Variants in MBOAT1 observed in about 807,000 individuals in gnomAD.
MBOAT1 encodes the protein membrane-bound glycerophospholipid O-acyltransferase 1.
MBOAT1 carries 67 observed loss-of-function variants against 64.4 expected under a neutral mutation model. That is an observed-to-expected ratio of 1.04 (90% CI 0.85 to 1.27). The LOEUF is 1.27. MBOAT1 is among the 50% of genes most tolerant of loss of function. MBOAT1 has a pLI of 0.00. For synonymous variants in MBOAT1, 229 were observed against 218.9 expected (o/e 1.05, Z -0.41); for missense variants, 563 against 604.6 (o/e 0.93, Z 0.72).
chr6:20,118,710 T>TA (rs35868785), intron 8 of MBOAT1, among the ~76,000 whole-genome samples, 170 bp from the exon 9 acceptor site: 51,497 of 152,110 alleles, frequency 0.34, 10,133 homozygotes, highest in Non-Finnish European at 0.44. Flanking sequence ...CAGAAAAACA[T>TA]ATTCGGCTGT....
chr6:20,100,949 G>C lies in MBOAT1; in HGVS notation c.*1337C>G, dbSNP rs1052120570. On this transcript the variant is annotated 3_prime_UTR_variant, in exon 13 of 13. Transcript: ENST00000324607. ...GCACATTCATAACAAAGATAGAAAAGAAAACTTTCAATGTCTGCTTTCCAA... is the reference window on the plus strand; with the variant it reads ...GCACATTCATAACAAAGATAGAAAACAAAACTTTCAATGTCTGCTTTCCAA... Among the ~76,000 whole-genome samples the C allele has an allele frequency of 1.1e-4, 16 of 152,128 alleles. No homozygotes were observed. The highest frequency in any genetic ancestry group is 3.4e-3 in the Middle Eastern group (1 of 294).
At chr6:20,104,822 G>A (rs923360648) in intron 12 of MBOAT1, among the ~76,000 whole-genome samples, 1 of 152,202 alleles carries the variant, frequency 6.6e-6, no homozygotes, top group African/African-American at 2.4e-5. Flanking sequence ...AGCTCGAACA[G>A]AAGCAAACAT....
At chr6:20,199,776 T>G (rs1229994292) in intron 1 of MBOAT1, among the ~76,000 whole-genome samples, 1 of 152,182 alleles carries the variant, frequency 6.6e-6, no homozygotes, top group East Asian at 1.9e-4. Context: ...GAGACCAGCC[T>G]GGCCAACATG....
At chr6:20,188,554 C>T (rs1429987977) in intron 1 of MBOAT1, among the ~76,000 whole-genome samples, 1 of 152,096 alleles carries the variant, frequency 6.6e-6, no homozygotes, top group Non-Finnish European at 1.5e-5. Context: ...AAGCTCTCTG[C>T]CGCAGAGAGA....
chr6:20,112,740 G>T, intron 11 of MBOAT1, 136 bp downstream of exon 11: 1 of 910,890 alleles, frequency 1.1e-6, no homozygotes, highest in Non-Finnish European at 1.7e-6. Flanking sequence ...GAAGACTCTT[G>T]CATATTGTTT....
chr6:20,138,180 A>G (rs1465532859), intron 4 of MBOAT1, among the ~76,000 whole-genome samples: 1 of 152,188 alleles, frequency 6.6e-6, no homozygotes, highest in Non-Finnish European at 1.5e-5. Context: ...GTAGGGAAAA[A>G]TAACACTGCT....
chr6:20,175,632 T>G (rs75702161), intron 1 of MBOAT1, among the ~76,000 whole-genome samples: 1 of 138,792 alleles, frequency 7.2e-6, no homozygotes, highest in East Asian at 2.0e-4. Context: ...CTTTCTTTCT[T>G]TTTTTTTTTT....
intron 4 of MBOAT1, among the ~76,000 whole-genome samples, chr6:20,131,445 G>A (rs1244230493): frequency 2.0e-5 from 3 of 152,174 alleles, no homozygotes; most frequent in African/African-American, 7.2e-5. Context: ...TCACTCTGCA[G>A]TTCTCCTTGC....
chr6:20,125,151 T>G (rs1190409152), intron 7 of MBOAT1, among the ~76,000 whole-genome samples: 1 of 152,136 alleles, frequency 6.6e-6, no homozygotes, highest in African/African-American at 2.4e-5. Context: ...TGGGGTTAAT[T>G]ATGTGCTGAC....
intron 3 of MBOAT1, among the ~76,000 whole-genome samples, chr6:20,147,159 G>T (rs1213481519): frequency 6.6e-6 from 1 of 152,222 alleles, no homozygotes; most frequent in East Asian, 1.9e-4. Context: ...CAGCCACGTG[G>T]AACTGTGAGT....
intron 1 of MBOAT1, among the ~76,000 whole-genome samples, chr6:20,188,556 G>A (rs530330921): frequency 4.0e-4 from 61 of 152,266 alleles, no homozygotes; most frequent in African/African-American, 1.3e-3. Flanking sequence ...GCTCTCTGCC[G>A]CAGAGAGAGG....
chr6:20,165,812 C>T (rs921979634), intron 1 of MBOAT1, among the ~76,000 whole-genome samples: 2 of 151,698 alleles, frequency 1.3e-5, no homozygotes, highest in Non-Finnish European at 2.9e-5. Flanking sequence ...GCTAATTAAC[C>T]CAACATCCTA....
chr6:20,141,386 G>C (rs1761173295), intron 4 of MBOAT1, among the ~76,000 whole-genome samples: 1 of 135,708 alleles, frequency 7.4e-6, no homozygotes, highest in Non-Finnish European at 1.5e-5. Context: ...TTTTGACACA[G>C]GGTCTTGCTC....
intron 4 of MBOAT1, among the ~76,000 whole-genome samples, chr6:20,141,359 C>CTTTT (rs755615744): frequency 3.6e-4 from 36 of 99,818 alleles, no homozygotes; most frequent in Non-Finnish European, 6.4e-4. Flanking sequence ...TTTTCTTTTT[C>CTTTT]TTTTTTTTTT....
At chr6:20,168,573 G>GGGAAAC (rs1762086621) in intron 1 of MBOAT1, among the ~76,000 whole-genome samples, 12 of 117,856 alleles carry the variant, frequency 1.0e-4, no homozygotes, top group East Asian at 4.8e-4. Context: ...GAAAGAGAGA[G>GGGAAAC]AGAGAAAGAG....
intron 8 of MBOAT1, among the ~76,000 whole-genome samples, chr6:20,122,119 C>T (rs1432630260): frequency 3.3e-5 from 5 of 151,980 alleles, no homozygotes; most frequent in Admixed American, 1.3e-4. Flanking sequence ...GAGCCGAGAC[C>T]GCACCATTGC....
At chr6:20,168,559 A>G (rs1206888513) in intron 1 of MBOAT1, among the ~76,000 whole-genome samples, 4,461 of 122,692 alleles carry the variant, frequency 0.036, 191 homozygotes, top group Non-Finnish European at 0.045. Context: ...GAAACAGAGA[A>G]AGAGAAAGAG....
At chr6:20,171,421 T>G (rs1305038823) in intron 1 of MBOAT1, among the ~76,000 whole-genome samples, 1 of 148,040 alleles carries the variant, frequency 6.8e-6, no homozygotes. Context: ...GGCATGGTGA[T>G]GCACACCTGT....
At chr6:20,115,260 G>A (rs1389141069) in intron 10 of MBOAT1, 28 bp downstream of exon 10, 1 of 1,576,446 alleles carries the variant, frequency 6.3e-7, no homozygotes. Flanking sequence ...AGTGCCCTAA[G>A]TAATGAGGTC....
Sources: allele counts gnomAD v4.1 joint callset (sites outside exome capture counted in the v4.1 genomes callset), GRCh38; gene constraint gnomAD v4.1.1; transcripts MANE v1.5; gene names NCBI Gene and HGNC (gene_info 2026-07-23, HGNC 2026-07-21).